Variants in ANK3 observed in about 807,000 individuals in gnomAD.
The protein encoded by ANK3 is ankyrin 3.
Under a neutral mutation model 370.9 loss-of-function variants are expected in ANK3, and 57 were observed. That is an observed-to-expected ratio of 0.15 (90% CI 0.12 to 0.19). The LOEUF is 0.19. Ranked by LOEUF, ANK3 falls within the 10% of genes least tolerant of loss-of-function variation. The pLI, the probability that ANK3 is intolerant of heterozygous loss-of-function variation, is 1.00. For missense variants in ANK3, 4,439 were observed against 5,302.1 expected, an observed-to-expected ratio of 0.84 and a Z score of 5.06; for synonymous variants, 1,929 against 1,946.3, an observed-to-expected ratio of 0.99 and a Z score of 0.23.
At chr10:60,100,719 C>T (rs1182926026) in intron 28 of ANK3, among the ~76,000 whole-genome samples, 1 of 152,098 alleles carries the variant, frequency 6.6e-6, no homozygotes. Context: ...CATTTTGTTC[C>T]AAGACAGCGA....
chr10:60,393,276 C>G (rs1594941720), upstream of ANK3, among the ~76,000 whole-genome samples: 1 of 152,164 alleles, frequency 6.6e-6, no homozygotes, highest in East Asian at 1.9e-4. Flanking sequence ...AATTTGAAAG[C>G]CACCATACTG....
intron 2 of ANK3, among the ~76,000 whole-genome samples, chr10:60,410,093 T>G (rs1472094821): frequency 6.6e-6 from 1 of 152,034 alleles, no homozygotes; most frequent in Non-Finnish European, 1.5e-5. Flanking sequence ...TTGAGTAAAC[T>G]CCTAACCTTG....
chr10:60,494,580 G>A (rs556025619), intron 2 of ANK3, among the ~76,000 whole-genome samples: 1 of 152,186 alleles, frequency 6.6e-6, no homozygotes, highest in Non-Finnish European at 1.5e-5. Context: ...ATAGTTTGCG[G>A]TAAATATTTG....
intron 2 of ANK3, among the ~76,000 whole-genome samples, chr10:60,491,573 A>G (rs1448731365): frequency 1.3e-5 from 2 of 152,202 alleles, no homozygotes; most frequent in Non-Finnish European, 2.9e-5. Flanking sequence ...CTAGATGTGA[A>G]TAAGAATTGC....
At chr10:60,201,927 C>T (rs1275202373) in intron 12 of ANK3, among the ~76,000 whole-genome samples, 1 of 151,966 alleles carries the variant, frequency 6.6e-6, no homozygotes, top group Non-Finnish European at 1.5e-5. Flanking sequence ...TTTGGCCAGG[C>T]TGGTCTTGAA....
At chr10:60,200,004 T>A (rs1310719412) in intron 13 of ANK3, 125 bp downstream of exon 13, 6 of 680,728 alleles carry the variant, frequency 8.8e-6, no homozygotes, top group South Asian at 3.9e-5. Context: ...TAGGGACTTT[T>A]ATCATTGGAG....
chr10:60,277,343 C>T (rs2098106366), intron 4 of ANK3, among the ~76,000 whole-genome samples: 1 of 152,136 alleles, frequency 6.6e-6, no homozygotes, highest in Admixed American at 6.5e-5. Context: ...TTGATTCAGA[C>T]TTACTCTTAA....
At chr10:60,726,172 A>T in intron 1 of ANK3, among the ~76,000 whole-genome samples, 1 of 152,196 alleles carries the variant, frequency 6.6e-6, no homozygotes, top group Non-Finnish European at 1.5e-5. Context: ...GATACTTAGA[A>T]CAATCCCACA....
chr10:60,289,521 T>A (rs2040848890), intron 1 of ANK3, among the ~76,000 whole-genome samples: 1 of 152,066 alleles, frequency 6.6e-6, no homozygotes, highest in South Asian at 2.1e-4. Context: ...CAGGTGATCC[T>A]CCCACCTCAG....
intron 23 of ANK3, among the ~76,000 whole-genome samples, chr10:60,150,997 A>G (rs2132248585): frequency 6.6e-6 from 1 of 151,954 alleles, no homozygotes; most frequent in Admixed American, 6.6e-5. Flanking sequence ...AATATCTTAA[A>G]CTCCTTGAGA....
Position 60,070,216 on chromosome 10 carries a change from A to G in ANK3, c.10665T>C (p.Phe3555=). 1 of 1,614,148 alleles carries G rather than the reference A, an allele frequency of 6.2e-7. No individual in the cohort carries two copies. The highest frequency in any genetic ancestry group is 1.1e-5 in the South Asian group (1 of 91,084). ...WSNNRGDDEV[F]DSKSREDETK... ...TTTCATCTTCCCGTGATTTACTGTC[A>G]AAAACTTCATCATCCCCTCGGTTAT... Residue 3555 remains phenylalanine, a synonymous_variant, in exon 37 of 44, where the codon TTT becomes TTC. Transcript: ENST00000280772. This position sits in a 1 kb window ranked among gnomAD's most constrained non-coding sequence, Gnocchi z 5.7.
At chr10:60,496,810 C>A (rs576150616) in intron 2 of ANK3, among the ~76,000 whole-genome samples, 1 of 151,322 alleles carries the variant, frequency 6.6e-6, no homozygotes, top group Non-Finnish European at 1.5e-5. Context: ...ACTGCTTGGC[C>A]GGGAGGTAGG....
At chr10:60,692,402 A>G (rs977884070) in intron 1 of ANK3, among the ~76,000 whole-genome samples, 5 of 152,176 alleles carry the variant, frequency 3.3e-5, no homozygotes, top group South Asian at 2.1e-4. Context: ...TGTAACCTAC[A>G]AGGTTCAGGA....
chr10:60,041,429 C>T (rs1425540013), intron 43 of ANK3, among the ~76,000 whole-genome samples: 2 of 152,214 alleles, frequency 1.3e-5, no homozygotes, highest in Admixed American at 1.3e-4. Context: ...CTGGAGGCAG[C>T]TTGTTCGGGT....
chr10:60,165,129 A>G (rs1054005380), intron 23 of ANK3, among the ~76,000 whole-genome samples: 10 of 152,214 alleles, frequency 6.6e-5, no homozygotes, highest in Non-Finnish European at 8.8e-5. Context: ...ATATTTCGTT[A>G]ATGAACAGTA....
intron 2 of ANK3, among the ~76,000 whole-genome samples, chr10:60,469,064 AGTATATATAT>A (rs2065093202): frequency 4.6e-4 from 1 of 2,166 alleles, no homozygotes; most frequent in Non-Finnish European, 8.7e-4. Flanking sequence ...TACCACTTTT[AGTATATATAT>A]ATATATATAT....
At chr10:60,499,270 A>G (rs1466139362) in intron 2 of ANK3, among the ~76,000 whole-genome samples, 1 of 152,206 alleles carries the variant, frequency 6.6e-6, no homozygotes, top group East Asian at 1.9e-4. Flanking sequence ...CAGGAATCTT[A>G]TTTATAATAC....
chr10:60,348,385 A>C (rs1338186023), intron 1 of ANK3, among the ~76,000 whole-genome samples: 7 of 151,556 alleles, frequency 4.6e-5, no homozygotes, highest in Non-Finnish European at 8.8e-5. Context: ...AAAAACAAAA[A>C]AAACGAACTA....
intron 1 of ANK3, among the ~76,000 whole-genome samples, chr10:60,379,359 T>C (rs998918737): frequency 4.6e-5 from 7 of 152,178 alleles, no homozygotes; most frequent in Non-Finnish European, 8.8e-5. Flanking sequence ...GCAATGCCAC[T>C]ACTGGGCATT....
Sources: allele counts gnomAD v4.1 joint callset (sites outside exome capture counted in the v4.1 genomes callset), GRCh38; gene constraint gnomAD v4.1.1; non-coding constraint Gnocchi (gnomAD v3.1); transcripts MANE v1.5; gene names NCBI Gene and HGNC (gene_info 2026-07-23, HGNC 2026-07-21).